Variants in KCNIP4 observed in about 807,000 individuals in gnomAD.
The protein encoded by KCNIP4 is Kv channel-interacting protein 4.
A neutral mutation model predicts 34.0 loss-of-function variants in KCNIP4; 12 were observed. That is an observed-to-expected ratio of 0.35 (90% confidence interval 0.23 to 0.57). The LOEUF is 0.57. KCNIP4 is among the 20% of genes least tolerant of loss of function. KCNIP4 has a pLI of 0.83. For synonymous variants in KCNIP4, 124 were observed against 102.2 expected, an observed-to-expected ratio of 1.21 and a Z score of -1.29; for missense variants, 238 against 311.7, an observed-to-expected ratio of 0.76 and a Z score of 1.78.
intron 1 of KCNIP4, among the ~76,000 whole-genome samples, chr4:21,527,681 T>C (rs2108964610): frequency 6.6e-6 from 1 of 152,320 alleles, no homozygotes; most frequent in African/African-American, 2.4e-5. Flanking sequence ...ATGGATAGAA[T>C]AGAAACCATT....
At chr4:21,564,961 C>T (rs2109039779) in intron 1 of KCNIP4, among the ~76,000 whole-genome samples, 1 of 152,204 alleles carries the variant, frequency 6.6e-6, no homozygotes, top group East Asian at 1.9e-4. Flanking sequence ...CAAACATCTC[C>T]CCCAATTAGG....
At chr4:20,848,416 AAG>A (rs777772285) in intron 3 of KCNIP4, among the ~76,000 whole-genome samples, 8 of 151,968 alleles carry the variant, frequency 5.3e-5, no homozygotes, top group Non-Finnish European at 1.0e-4. Flanking sequence ...AGGATTAAAA[AAG>A]GGGAAAGAAA....
chr4:21,137,574 G>C (rs1473643960), intron 1 of KCNIP4, among the ~76,000 whole-genome samples: 1 of 152,044 alleles, frequency 6.6e-6, no homozygotes, highest in Non-Finnish European at 1.5e-5. Context: ...AATGCCTTTA[G>C]AGTGATGTCT....
chr4:21,631,590 T>C (rs1401876646), intron 1 of KCNIP4, among the ~76,000 whole-genome samples: 1 of 152,204 alleles, frequency 6.6e-6, no homozygotes, highest in Non-Finnish European at 1.5e-5. Context: ...ACATCTCTAA[T>C]AGTTTCTGCA....
intron 1 of KCNIP4, among the ~76,000 whole-genome samples, chr4:21,445,662 A>G (rs1727916640): frequency 6.6e-6 from 1 of 152,248 alleles, no homozygotes; most frequent in East Asian, 1.9e-4. Context: ...ACCTAAAACC[A>G]TAAAAACCCT....
chr4:21,484,727 C>CA (rs1408282269), intron 1 of KCNIP4, among the ~76,000 whole-genome samples: 2 of 152,132 alleles, frequency 1.3e-5, no homozygotes, highest in Non-Finnish European at 2.9e-5. Context: ...TGTCCTGGCC[C>CA]AACTTGGCAC....
chr4:20,763,755 C>T (rs2149366898), intron 3 of KCNIP4, among the ~76,000 whole-genome samples: 1 of 152,242 alleles, frequency 6.6e-6, no homozygotes, highest in Non-Finnish European at 1.5e-5. Flanking sequence ...AAGATGGGAT[C>T]TCACTATGTT....
At chr4:21,679,678 T>A (rs546247190) in intron 1 of KCNIP4, among the ~76,000 whole-genome samples, 132 of 152,318 alleles carry the variant, frequency 8.7e-4, no homozygotes, top group African/African-American at 3.1e-3. Flanking sequence ...TATACGCATA[T>A]CTCAGAGATA....
Position 21,238,717 on chromosome 4 carries a change from T to G in KCNIP4, c.62-356008A>C, listed in dbSNP as rs577757973. On this transcript the variant is annotated intron_variant, in intron 1 of 8. Coordinates refer to ENST00000382152, the MANE Select transcript of KCNIP4 (RefSeq NM_025221.6). ...AGGAGAACTACAAACCACTGCTCAA[T>G]GAAATAAAAGAGGATACAAACAAAT... Among the ~76,000 whole-genome samples the G allele has an allele frequency of 6.7e-3, 1,012 of 152,090 alleles. 3 individuals carry two copies. The highest frequency in any genetic ancestry group is 0.02 in the Middle Eastern group (6 of 294).
Position 20,814,488 on chromosome 4 carries a change from T to C in KCNIP4, c.288+36055A>G, listed in dbSNP as rs150966239. ...CAGAGAGCAACAAGCTCAAGGAAATTGTATGAACTCAGGTGCTAGACGTTC... is the reference window on the plus strand; with the variant it reads ...CAGAGAGCAACAAGCTCAAGGAAATCGTATGAACTCAGGTGCTAGACGTTC... On this transcript the variant is annotated intron_variant, in intron 3 of 8. Coordinates refer to ENST00000382152, the MANE Select transcript of KCNIP4 (RefSeq NM_025221.6). 2.3e-4 allele frequency among the ~76,000 whole-genome samples: 35 copies of C among 152,262 alleles called. No individual in the cohort carries two copies. In the East Asian group the frequency reaches 6.8e-3, roughly 29 times the overall value.
intron 1 of KCNIP4, among the ~76,000 whole-genome samples, chr4:21,467,643 CA>C (rs918595926): frequency 1.2e-4 from 19 of 152,166 alleles, no homozygotes; most frequent in African/African-American, 4.6e-4. Flanking sequence ...CACGCCAAGA[CA>C]TGATAAGATT....
chr4:21,889,991 G>T (rs1302975056), intron 1 of KCNIP4, among the ~76,000 whole-genome samples: 1 of 152,106 alleles, frequency 6.6e-6, no homozygotes, highest in Non-Finnish European at 1.5e-5. Flanking sequence ...ATCCACAATG[G>T]AATTGGTGGT....
intron 1 of KCNIP4, among the ~76,000 whole-genome samples, chr4:21,790,570 T>C (rs1016894423): frequency 3.3e-5 from 5 of 151,768 alleles, no homozygotes; most frequent in African/African-American, 1.2e-4. Flanking sequence ...TTGTATTATA[T>C]TTCTATTTGA....
chr4:21,709,605 T>G (rs761823023), intron 1 of KCNIP4, among the ~76,000 whole-genome samples: 2 of 152,094 alleles, frequency 1.3e-5, no homozygotes, highest in African/African-American at 2.4e-5. Context: ...GCAAATAATT[T>G]TTTTTAAAGT....
At chr4:21,208,573 T>C (rs1460880173) in intron 1 of KCNIP4, among the ~76,000 whole-genome samples, 4 of 152,202 alleles carry the variant, frequency 2.6e-5, no homozygotes, top group African/African-American at 7.2e-5. Flanking sequence ...CTGCTTTGAT[T>C]CTTATTTTTT....
intron 1 of KCNIP4, among the ~76,000 whole-genome samples, chr4:21,273,784 C>T (rs1560240646): frequency 6.6e-6 from 1 of 151,788 alleles, no homozygotes; most frequent in Admixed American, 6.6e-5. Flanking sequence ...GTGGATCACT[C>T]GTTTCTATAT....
chr4:21,434,774 A>G (rs866241167), intron 1 of KCNIP4, among the ~76,000 whole-genome samples: 1,587 of 139,410 alleles, frequency 0.011, 29 homozygotes, highest in African/African-American at 0.038. Context: ...GTGGGGGGAA[A>G]AAAAAAAAAA....
intron 1 of KCNIP4, among the ~76,000 whole-genome samples, chr4:21,596,209 A>T (rs1207292793): frequency 2.0e-5 from 3 of 152,096 alleles, no homozygotes; most frequent in African/African-American, 7.2e-5. Flanking sequence ...TAATTATACT[A>T]ATTCAACTAA....
intron 1 of KCNIP4, among the ~76,000 whole-genome samples, chr4:20,943,677 T>C (rs1338983247): frequency 6.6e-6 from 1 of 152,118 alleles, no homozygotes; most frequent in Non-Finnish European, 1.5e-5. Context: ...CAAGCTGGTT[T>C]TGAACCCCAG....
Sources: gnomAD v4.1 joint callset for allele counts (sites outside exome capture counted in the v4.1 genomes callset) on GRCh38, gnomAD v4.1.1 for gene constraint, MANE v1.5 for transcripts, NCBI Gene and HGNC (gene_info 2026-07-23, HGNC 2026-07-21) for gene names.